Variants in EFCAB11 observed in about 807,000 individuals in gnomAD.
The protein encoded by EFCAB11 is EF-hand calcium-binding domain-containing protein 11.
A neutral mutation model predicts 23.0 loss-of-function variants in EFCAB11; 14 were observed. The observed-to-expected ratio is 0.61, with a 90% confidence interval of 0.40 to 0.95. The LOEUF (loss-of-function observed/expected upper bound fraction) is 0.95. Ranked by LOEUF, EFCAB11 falls within the 40% of genes least tolerant of loss-of-function variation. The pLI is 0.00. For synonymous variants in EFCAB11, 65 were observed against 66.6 expected, an observed-to-expected ratio of 0.98 and a Z score of 0.11; for missense variants, 198 against 195.8, an observed-to-expected ratio of 1.01 and a Z score of -0.07.
intron 5 of EFCAB11, among the ~76,000 whole-genome samples, chr14:89,797,795 T>C (rs926006040): frequency 6.6e-6 from 1 of 152,102 alleles, no homozygotes; most frequent in African/African-American, 2.4e-5. Context: ...TAGCCAGGCA[T>C]GGTGGTGGGC....
rs528888734 is a variant in EFCAB11, at chr14:89,882,987, G to A, written c.410+48554C>T. The stretch of plus-strand genomic sequence containing the variant: ...AGCTGGTTGTTAAGAAGAGCCGGGC[G>A]CCTCCCCACTCTTTCTTTTGCTTCC... On this transcript the variant is annotated intron_variant, in intron 5 of 5. Transcript: ENST00000316738. 1.1e-3 allele frequency among the ~76,000 whole-genome samples: 174 copies of A among 152,014 alleles called. 2 individuals are homozygous for A. In the South Asian group the frequency reaches 0.035, roughly 30 times the overall value.
chr14:89,865,831 A>AT (rs11452110), intron 5 of EFCAB11, among the ~76,000 whole-genome samples: 145,514 of 152,094 alleles, frequency 0.96, 69,785 homozygotes, highest in Non-Finnish European at 0.99. Flanking sequence ...TGCTCGGCTA[A>AT]TTTTGTATTT....
At chr14:89,872,227 C>T (rs1888297282) in intron 5 of EFCAB11, among the ~76,000 whole-genome samples, 1 of 152,150 alleles carries the variant, frequency 6.6e-6, no homozygotes, top group African/African-American at 2.4e-5. Flanking sequence ...TGCTATTTGC[C>T]ATGTTTCCTC....
chr14:89,911,734 C>T (rs1889683987), intron 5 of EFCAB11, among the ~76,000 whole-genome samples: 1 of 152,194 alleles, frequency 6.6e-6, no homozygotes, highest in South Asian at 2.1e-4. Context: ...GGCTTTGGGG[C>T]TAGAATTGCT....
intron 5 of EFCAB11, among the ~76,000 whole-genome samples, chr14:89,874,691 A>G (rs1272440825): frequency 6.6e-6 from 1 of 152,096 alleles, no homozygotes; most frequent in Admixed American, 6.6e-5. Flanking sequence ...AGGTCAGGAG[A>G]TCGAGACTAT....
chr14:89,828,496 T>C (rs1457605529), intron 5 of EFCAB11, among the ~76,000 whole-genome samples: 2 of 151,966 alleles, frequency 1.3e-5, no homozygotes, highest in Non-Finnish European at 2.9e-5. Flanking sequence ...ACCCAAAGAG[T>C]TCATAGTGCT....
chr14:89,923,629 G>A, intron 5 of EFCAB11: 1 of 922,598 alleles, frequency 1.1e-6, no homozygotes. Flanking sequence ...TGATTTGTAG[G>A]TGTTTTTATG....
chr14:89,934,819 A>G (rs1436219081), intron 3 of EFCAB11, among the ~76,000 whole-genome samples: 1 of 152,146 alleles, frequency 6.6e-6, no homozygotes, highest in Non-Finnish European at 1.5e-5. Context: ...GAACACCAAA[A>G]TCTAGTCAAT....
intron 5 of EFCAB11, among the ~76,000 whole-genome samples, chr14:89,806,888 C>G (rs955380674): frequency 2.0e-5 from 3 of 152,078 alleles, no homozygotes; most frequent in African/African-American, 7.2e-5. Flanking sequence ...AAAATGTAAC[C>G]CAACTCCTGT....
At chr14:89,834,200 C>T (rs1306075109) in intron 5 of EFCAB11, among the ~76,000 whole-genome samples, 6 of 151,668 alleles carry the variant, frequency 4.0e-5, no homozygotes, top group Admixed American at 3.3e-4. Context: ...CGTGGTGAAA[C>T]TCCGTCTCTA....
At position 89,910,372 on chromosome 14, in the gene EFCAB11, C is replaced by T. The variant is rs113787405; in HGVS notation, c.410+21169G>A. Among the ~76,000 whole-genome samples the T allele has an allele frequency of 2.8e-3, 431 of 152,134 alleles. 1 individual carries two copies. Among genetic ancestry groups the T allele is most frequent in the African/African-American group, 1.0e-2 (415 of 41,524 alleles). ...CAGCACTTTGGGAGGCTGAGGCAGG[C>T]GGATCACTTAAGGCCAGGAGTTCGA... On this transcript the variant is annotated intron_variant, in intron 5 of 5. Coordinates refer to ENST00000316738, the MANE Select transcript of EFCAB11 (RefSeq NM_145231.4).
At chr14:89,943,239 T>G (rs1025651555) in intron 3 of EFCAB11, among the ~76,000 whole-genome samples, 2 of 151,398 alleles carry the variant, frequency 1.3e-5, no homozygotes, top group African/African-American at 2.4e-5. Context: ...GGCCAGCATT[T>G]CAGACCTGTT....
At chr14:89,904,192 T>C (rs1889423549) in intron 5 of EFCAB11, among the ~76,000 whole-genome samples, 1 of 152,122 alleles carries the variant, frequency 6.6e-6, no homozygotes, top group African/African-American at 2.4e-5. Context: ...GTGTTCTCAT[T>C]GTTCAACTCC....
intron 3 of EFCAB11, among the ~76,000 whole-genome samples, chr14:89,945,741 C>G (rs980455119): frequency 2.0e-5 from 3 of 152,130 alleles, no homozygotes; most frequent in Admixed American, 6.5e-5. Context: ...TTAGGTCACA[C>G]TGGTTGACAG....
chr14:89,886,744 T>TCA (rs1286434361), intron 5 of EFCAB11, among the ~76,000 whole-genome samples: 1 of 152,166 alleles, frequency 6.6e-6, no homozygotes, highest in Non-Finnish European at 1.5e-5. Context: ...CACAAAGAGA[T>TCA]CAAAGTATGT....
chr14:89,943,252 T>G (rs1401697321), intron 3 of EFCAB11, among the ~76,000 whole-genome samples: 1 of 151,952 alleles, frequency 6.6e-6, no homozygotes, highest in East Asian at 1.9e-4. Context: ...GACCTGTTTT[T>G]TTTTTTTTTT....
chr14:89,939,546 G>A (rs752722309), intron 3 of EFCAB11, among the ~76,000 whole-genome samples: 6 of 152,124 alleles, frequency 3.9e-5, no homozygotes, highest in Non-Finnish European at 7.3e-5. Flanking sequence ...TTCATTTACC[G>A]CCTCTTTTCT....
intron 3 of EFCAB11, among the ~76,000 whole-genome samples, chr14:89,938,957 C>T (rs1829329453): frequency 1.7e-5 from 2 of 120,950 alleles, no homozygotes; most frequent in African/African-American, 6.8e-5. Flanking sequence ...AAAACAACAA[C>T]AACAACAACA....
intron 5 of EFCAB11, among the ~76,000 whole-genome samples, chr14:89,861,504 T>C (rs1887919417): frequency 6.6e-6 from 1 of 152,206 alleles, no homozygotes; most frequent in Admixed American, 6.5e-5. Context: ...GTCCCTTCCT[T>C]GCCCAAGAAT....
Sources: allele counts gnomAD v4.1 joint callset (sites outside exome capture counted in the v4.1 genomes callset), GRCh38; gene constraint gnomAD v4.1.1; transcripts MANE v1.5; gene names NCBI Gene and HGNC (gene_info 2026-07-23, HGNC 2026-07-21).